The following SLCO3A1 variants were observed in gnomAD, a reference collection of about 807,000 sequenced individuals.
The protein encoded by SLCO3A1 is solute carrier organic anion transporter family member 3A1.
SLCO3A1 carries 27 observed loss-of-function variants against 63.1 expected under a neutral mutation model. The ratio of observed to expected loss-of-function variants is 0.43; its 90% CI spans 0.32 to 0.59. SLCO3A1 has a LOEUF of 0.59. SLCO3A1 is among the 20% of genes least tolerant of loss of function. The pLI is 0.09. For missense variants in SLCO3A1, 773 were observed against 945.8 expected (o/e 0.82, Z 2.40); for synonymous variants, 473 against 409.9 (o/e 1.15, Z -1.86).
rs939773546 is a variant in SLCO3A1 at position 91,916,753 on chromosome 15, G to A, written c.646+295G>A. Reference sequence around the variant, plus strand: ...AGTTGTATGTTTATCTCTTCTTTTTGAGTGCGTATGTGGACTTTGGGCTTT... The same window carrying A: ...AGTTGTATGTTTATCTCTTCTTTTTAAGTGCGTATGTGGACTTTGGGCTTT... On this transcript the variant is annotated intron_variant, in intron 2 of 9. Transcript: ENST00000318445. This position sits in a 1 kb window ranked among gnomAD's most constrained non-coding sequence, Gnocchi z 6.2. 6.6e-6 allele frequency among the ~76,000 whole-genome samples: 1 copy of A among 152,150 alleles called. No individual in the cohort carries two copies. Among genetic ancestry groups the A allele is most frequent in the Non-Finnish European group, 1.5e-5 (1 of 68,036 alleles).
At chr15:92,072,101 G>T (rs1397680270) in intron 2 of SLCO3A1, among the ~76,000 whole-genome samples, 1 of 152,086 alleles carries the variant, frequency 6.6e-6, no homozygotes, top group African/African-American at 2.4e-5. Context: ...TTTCCAGTTA[G>T]TTCATAGGTT....
At chr15:91,879,723 A>C (rs908105735) in intron 1 of SLCO3A1, among the ~76,000 whole-genome samples, 1 of 152,226 alleles carries the variant, frequency 6.6e-6, no homozygotes, top group African/African-American at 2.4e-5. Flanking sequence ...GATGTAATTT[A>C]TATCAGCTAA....
intron 7 of SLCO3A1, among the ~76,000 whole-genome samples, chr15:92,142,147 T>A (rs1458895064): frequency 1.3e-5 from 2 of 152,244 alleles, no homozygotes; most frequent in African/African-American, 4.8e-5. Context: ...CTTTTCCTCT[T>A]GGACACCAAC....
At chr15:91,962,844 C>T (rs191771605) in intron 2 of SLCO3A1, among the ~76,000 whole-genome samples, 38 of 152,230 alleles carry the variant, frequency 2.5e-4, no homozygotes, top group African/African-American at 8.4e-4. Flanking sequence ...TTTCTGGAGC[C>T]GGGTACAGGG....
Position 91,882,660 on chromosome 15 carries a change from G to A in SLCO3A1, c.180+28572G>A, listed in dbSNP as rs797000748. ...CTCCCGAGTAGCTGGGACCACAGGC[G>A]TATGCACCACCACCACGTCCAGCTA... On this transcript the variant is annotated intron_variant, in intron 1 of 9. Coordinates refer to ENST00000318445, the MANE Select transcript of SLCO3A1 (RefSeq NM_013272.4). The surrounding 1 kb of genome is among the most constrained non-coding windows in gnomAD (Gnocchi z 4.4). Among the ~76,000 whole-genome samples, 2 of 152,178 alleles carry A rather than the reference G, an allele frequency of 1.3e-5. No individual in the cohort carries two copies. The highest frequency in any genetic ancestry group is 4.8e-5 in the African/African-American group (2 of 41,524).
chr15:92,124,014 T>A (rs72760114), intron 5 of SLCO3A1, among the ~76,000 whole-genome samples: 24,056 of 152,076 alleles, frequency 0.16, 2,007 homozygotes, highest in Non-Finnish European at 0.18. Flanking sequence ...TTGGTGACAG[T>A]CTAGTCAGTG....
chr15:92,142,887 G>A (rs781554358), intron 7 of SLCO3A1, among the ~76,000 whole-genome samples: 6 of 152,086 alleles, frequency 3.9e-5, no homozygotes, highest in East Asian at 1.9e-4. Flanking sequence ...TAATATAATC[G>A]AGCCATAGCC....
intron 2 of SLCO3A1, among the ~76,000 whole-genome samples, chr15:92,008,107 A>G (rs1032416996): frequency 2.0e-5 from 3 of 152,154 alleles, no homozygotes; most frequent in African/African-American, 7.2e-5. Flanking sequence ...GCAACCCCAT[A>G]CTTGGTCCCT....
At chr15:92,139,490 T>TAA (rs756870400) in intron 7 of SLCO3A1, among the ~76,000 whole-genome samples, 4 of 152,286 alleles carry the variant, frequency 2.6e-5, no homozygotes, top group Non-Finnish European at 4.4e-5. Context: ...GCTGGCCTCA[T>TAA]AAAATGAGTT....
intron 2 of SLCO3A1, among the ~76,000 whole-genome samples, chr15:91,997,508 C>G (rs1417730530): frequency 6.6e-6 from 1 of 152,172 alleles, no homozygotes; most frequent in African/African-American, 2.4e-5. Context: ...AAAACCTATT[C>G]TAAAATTTAT....
At chr15:91,921,757 TCTCA>T (rs914153976) in intron 2 of SLCO3A1, among the ~76,000 whole-genome samples, 2 of 151,884 alleles carry the variant, frequency 1.3e-5, no homozygotes, top group Non-Finnish European at 2.9e-5. Flanking sequence ...TGACATGAAG[TCTCA>T]CTCTGTCACC....
chr15:91,928,947 C>A (rs1364949830), intron 2 of SLCO3A1, among the ~76,000 whole-genome samples: 1 of 152,124 alleles, frequency 6.6e-6, no homozygotes, highest in Non-Finnish European at 1.5e-5. Context: ...ATGAAGCTGA[C>A]TTGCTTTTCT....
intron 2 of SLCO3A1, among the ~76,000 whole-genome samples, chr15:92,035,098 TGG>T (rs2046708168): frequency 6.6e-6 from 1 of 151,804 alleles, no homozygotes; most frequent in Non-Finnish European, 1.5e-5. Context: ...TTTTGAACTG[TGG>T]GTAGTTACTC....
At chr15:92,017,592 A>T (rs368040366) in intron 2 of SLCO3A1, among the ~76,000 whole-genome samples, 29 of 152,258 alleles carry the variant, frequency 1.9e-4, no homozygotes, top group African/African-American at 6.3e-4. Flanking sequence ...CAAAATAGCC[A>T]CTGCTTCTTA....
intron 2 of SLCO3A1, among the ~76,000 whole-genome samples, chr15:92,079,840 C>T (rs1488808623): frequency 1.3e-5 from 2 of 152,262 alleles, no homozygotes; most frequent in African/African-American, 2.4e-5. Flanking sequence ...GCGGTCTCTG[C>T]ACTGCCCCTT....
chr15:91,997,028 T>A (rs2046199966), intron 2 of SLCO3A1, among the ~76,000 whole-genome samples: 1 of 151,898 alleles, frequency 6.6e-6, no homozygotes, highest in Admixed American at 6.6e-5. Context: ...GAGAAAGAAA[T>A]AAAAGTCTTC....
In SLCO3A1 at chr15:91,853,924, C is replaced by G; in HGVS notation, c.16C>G (p.Pro6Ala). 1 of 1,445,880 alleles carries G rather than the reference C, an allele frequency of 6.9e-7. No homozygotes were observed. The allele number at this position is 1,445,880 out of a possible 1,614,324, so 89.6% of individuals were successfully genotyped here. The change falls in exon 1 of 10, where the codon CCG becomes GCG. Residue 6 changes from proline (P) to alanine (A), a missense_variant. Physicochemically the swap from Pro to Ala is conservative, Grantham distance 27. This residue lies in a region of SLCO3A1 where 69 missense variants were observed against 64.6 expected (regional missense o/e 1.07). Transcript: ENST00000318445. ...CGGGGGAAGGATGCAGGGGAAGAAGCCGGGCGGTTCGTCGGGCGGCGGCCG... is the reference window on the plus strand; with the variant it reads ...CGGGGGAAGGATGCAGGGGAAGAAGGCGGGCGGTTCGTCGGGCGGCGGCCG... MQGKK[P>A]GGSSGGGRSG... is the part of the protein sequence containing the mutation.
intron 1 of SLCO3A1, among the ~76,000 whole-genome samples, chr15:91,915,226 A>G (rs1357044382): frequency 6.6e-6 from 1 of 152,088 alleles, no homozygotes; most frequent in Non-Finnish European, 1.5e-5. Flanking sequence ...TCCTCTCTCC[A>G]TCACTTTTCT....
intron 4 of SLCO3A1, among the ~76,000 whole-genome samples, chr15:92,105,830 G>A (rs143532258): frequency 1.1e-4 from 17 of 152,324 alleles, no homozygotes; most frequent in African/African-American, 2.2e-4. Flanking sequence ...CTTCCACAGC[G>A]GCAGATGCAG....
Sources: gnomAD v4.1 joint callset for allele counts (sites outside exome capture counted in the v4.1 genomes callset) on GRCh38, gnomAD v4.1.1 for gene constraint, gnomAD v4.1.1 regional missense constraint, Gnocchi (gnomAD v3.1) non-coding constraint, MANE v1.5 for transcripts, NCBI Gene and HGNC (gene_info 2026-07-23, HGNC 2026-07-21) for gene names.